Variants in NCEH1 observed in about 807,000 individuals in gnomAD.
The protein encoded by NCEH1 is neutral cholesterol ester hydrolase 1.
NCEH1 carries 9 observed loss-of-function variants against 25.4 expected under a neutral mutation model. The ratio of observed to expected loss-of-function variants is 0.35; its 90% confidence interval spans 0.21 to 0.62. NCEH1 has a LOEUF of 0.62. Ranked by LOEUF, NCEH1 falls within the 20% of genes least tolerant of loss-of-function variation. NCEH1 has a pLI of 0.72. For synonymous variants in NCEH1, 200 were observed against 199.8 expected, an observed-to-expected ratio of 1.00 and a Z score of -0.01; for missense variants, 412 against 501.1, an observed-to-expected ratio of 0.82 and a Z score of 1.70.
At chr3:172,697,662 C>A (rs940505852) in intron 1 of NCEH1, among the ~76,000 whole-genome samples, 1 of 151,844 alleles carries the variant, frequency 6.6e-6, no homozygotes, top group Non-Finnish European at 1.5e-5. Flanking sequence ...AAGAGCTGAG[C>A]GTGGAGGGAG....
chr3:172,668,314 C>A (rs1002578488), intron 1 of NCEH1, among the ~76,000 whole-genome samples: 21 of 143,438 alleles, frequency 1.5e-4, no homozygotes, highest in Non-Finnish European at 2.4e-4. Flanking sequence ...AACTGGAACA[C>A]CAATAAGCTC....
chr3:172,650,371 C>T (rs746249760), intron 1 of NCEH1, among the ~76,000 whole-genome samples: 40 of 152,000 alleles, frequency 2.6e-4, no homozygotes, highest in African/African-American at 7.7e-4. Context: ...GGACCGGGTG[C>T]GGTGGCTCAC....
chr3:172,686,474 G>A (rs1712701918), intron 1 of NCEH1, among the ~76,000 whole-genome samples: 1 of 152,210 alleles, frequency 6.6e-6, no homozygotes, highest in Non-Finnish European at 1.5e-5. Context: ...GTGGATGCTT[G>A]CTCTTATTTC....
chr3:172,645,678 C>A lies in NCEH1; in HGVS notation c.382G>T (p.Asp128Tyr). The A allele has an allele frequency of 6.3e-7, 1 of 1,591,196 alleles. No homozygotes were observed. Among genetic ancestry groups the A allele is most frequent in the East Asian group, 2.3e-5 (1 of 44,108 alleles). ...TCAGCCATTGCTGTACACAGCTCAT[C>A]ATAATACCTGATTTCTAAAAGACAC... ...ALASAKIRYYDELCTAMAEEL... is the reference protein window; with the variant it reads ...ALASAKIRYYYELCTAMAEEL... Residue 128 changes from aspartate (D) to tyrosine (Y), a missense_variant, in exon 3 of 5, where the codon GAT (aspartate) becomes TAT (tyrosine). By Grantham distance (160) the Asp-to-Tyr change is radical. This residue lies in a region of NCEH1 where 178 missense variants were observed against 189.2 expected (regional missense o/e 0.94). Transcript: ENST00000475381.
At chr3:172,676,796 T>C (rs1712033348) in intron 1 of NCEH1, among the ~76,000 whole-genome samples, 5 of 152,240 alleles carry the variant, frequency 3.3e-5, no homozygotes, top group Admixed American at 3.3e-4. Context: ...CTCTTGGTCC[T>C]ATTCTTGTCT....
chr3:172,641,856 A>C (rs1044059810), intron 3 of NCEH1, among the ~76,000 whole-genome samples: 2 of 152,140 alleles, frequency 1.3e-5, no homozygotes, highest in African/African-American at 4.8e-5. Flanking sequence ...TTTCATCCAA[A>C]CATCACTTTC....
chr3:172,640,744 T>TG (rs1716812828), intron 3 of NCEH1, among the ~76,000 whole-genome samples: 1 of 152,176 alleles, frequency 6.6e-6, no homozygotes, highest in African/African-American at 2.4e-5. Flanking sequence ...CCTGACCTCG[T>TG]GATCCGCTCG....
chr3:172,707,459 G>A (rs533153307), intron 1 of NCEH1, among the ~76,000 whole-genome samples: 1 of 152,300 alleles, frequency 6.6e-6, no homozygotes, highest in Non-Finnish European at 1.5e-5. Context: ...CAACACGTAT[G>A]CAATATAACA....
At chr3:172,685,227 G>A (rs1712631161) in intron 1 of NCEH1, among the ~76,000 whole-genome samples, 1 of 151,442 alleles carries the variant, frequency 6.6e-6, no homozygotes, top group African/African-American at 2.4e-5. Context: ...CTGGGAGGCA[G>A]AGGCTGCGGT....
chr3:172,668,175 G>A (rs1171137305), intron 1 of NCEH1, among the ~76,000 whole-genome samples: 1 of 152,118 alleles, frequency 6.6e-6, no homozygotes, highest in African/African-American at 2.4e-5. Context: ...GTAAGCAGCA[G>A]ATAATTTCAG....
intron 1 of NCEH1, among the ~76,000 whole-genome samples, chr3:172,653,914 G>C (rs1363581671): frequency 6.6e-6 from 1 of 151,706 alleles, no homozygotes; most frequent in Non-Finnish European, 1.5e-5. Flanking sequence ...ATGCCACCAC[G>C]CCCAGCTAAT....
At chr3:172,704,110 G>C (rs1372804712) in intron 1 of NCEH1, among the ~76,000 whole-genome samples, 2 of 152,192 alleles carry the variant, frequency 1.3e-5, no homozygotes, top group East Asian at 3.9e-4. Flanking sequence ...TTATTAGCAC[G>C]TTGAAGTTCT....
At chr3:172,707,787 CG>C (rs1321683201) in intron 1 of NCEH1, among the ~76,000 whole-genome samples, 2 of 152,070 alleles carry the variant, frequency 1.3e-5, no homozygotes, top group Admixed American at 6.6e-5. Context: ...GAGGTTTCAC[CG>C]TATTAGCCAG....
intron 1 of NCEH1, among the ~76,000 whole-genome samples, chr3:172,707,612 G>A (rs944622225): frequency 6.6e-6 from 1 of 152,090 alleles, no homozygotes; most frequent in Admixed American, 6.5e-5. Context: ...TTGAGACGGA[G>A]TCTCACACTG....
intron 1 of NCEH1, among the ~76,000 whole-genome samples, chr3:172,701,616 G>GTTTTTTTTTTTTTTT (rs60219751): frequency 1.8e-5 from 2 of 110,732 alleles, no homozygotes; most frequent in African/African-American, 3.7e-5. Flanking sequence ...TGCCCAGCTA[G>GTTTTTTTTTTTTTTT]TTTTTTTTTT....
chr3:172,687,144 A>G lies in NCEH1; in HGVS notation c.138+23703T>C, dbSNP rs536531270. Among the ~76,000 whole-genome samples the G allele has an allele frequency of 3.9e-5, 6 of 152,184 alleles. No individual in the cohort carries two copies. The South Asian group carries it at 8.3e-4, about 21-fold the overall frequency. ...CCAACCAAATAGGCCTACTTCCCAA[A>G]CATGCAGCTTGGTTTTGTTGATGGT... is the stretch of plus-strand genomic sequence containing the variant. On this transcript the variant is annotated intron_variant, in intron 1 of 4. Coordinates refer to ENST00000475381, the MANE Select transcript of NCEH1 (RefSeq NM_020792.6).
At chr3:172,684,751 C>T (rs188538977) in intron 1 of NCEH1, among the ~76,000 whole-genome samples, 8 of 152,242 alleles carry the variant, frequency 5.3e-5, no homozygotes, top group East Asian at 3.9e-4. Context: ...GAGGCAGAGG[C>T]GGGCGGATCA....
At chr3:172,701,172 A>G (rs545256679) in intron 1 of NCEH1, among the ~76,000 whole-genome samples, 1 of 152,306 alleles carries the variant, frequency 6.6e-6, no homozygotes, top group East Asian at 1.9e-4. Context: ...GCTGTTTATG[A>G]TCAGCCATCC....
At chr3:172,689,910 T>TTTA (rs1491395548) in intron 1 of NCEH1, among the ~76,000 whole-genome samples, 26 of 94,356 alleles carry the variant, frequency 2.8e-4, no homozygotes, top group African/African-American at 1.1e-3. Flanking sequence ...TATTTATTTA[T>TTTA]TTTTTTTTTT....
Sources: gnomAD v4.1 joint callset for allele counts (sites outside exome capture counted in the v4.1 genomes callset) on GRCh38, gnomAD v4.1.1 for gene constraint, gnomAD v4.1.1 regional missense constraint, MANE v1.5 for transcripts, NCBI Gene and HGNC (gene_info 2026-07-23, HGNC 2026-07-21) for gene names.